The following AGBL4 variants were observed in gnomAD, a reference collection of about 807,000 sequenced individuals.
The protein encoded by AGBL4 is cytosolic carboxypeptidase 6.
Under a neutral mutation model 66.4 loss-of-function variants are expected in AGBL4, and 58 were observed. The ratio of observed to expected loss-of-function variants is 0.87; its 90% CI spans 0.71 to 1.09. The LOEUF is 1.09. Among genes scored for constraint, AGBL4 ranks in the 50% least tolerant of loss-of-function variants. The pLI is 0.00. For missense variants in AGBL4, 579 were observed against 631.0 expected, an observed-to-expected ratio of 0.92 and a Z score of 0.88; for synonymous variants, 234 against 222.9, an observed-to-expected ratio of 1.05 and a Z score of -0.44.
chr1:49,779,577 A>G (rs1644285908), intron 2 of AGBL4, among the ~76,000 whole-genome samples: 1 of 152,174 alleles, frequency 6.6e-6, no homozygotes, highest in Admixed American at 6.5e-5. Flanking sequence ...GAGGTCCCCC[A>G]ATAAGGAGGT....
At chr1:49,281,802 G>T (rs1472868554) in intron 3 of AGBL4, among the ~76,000 whole-genome samples, 2 of 152,138 alleles carry the variant, frequency 1.3e-5, no homozygotes, top group Admixed American at 6.5e-5. Context: ...GTGCTGGGAG[G>T]GTTGCTTGCC....
chr1:49,420,550 A>C (rs148427659), intron 3 of AGBL4, among the ~76,000 whole-genome samples: 1 of 152,122 alleles, frequency 6.6e-6, no homozygotes, highest in East Asian at 1.9e-4. Flanking sequence ...AATACAAAAA[A>C]ATTAGCCAGG....
chr1:49,150,566 A>G (rs1052243581), intron 4 of AGBL4, among the ~76,000 whole-genome samples: 8 of 152,164 alleles, frequency 5.3e-5, no homozygotes, highest in Admixed American at 3.9e-4. Flanking sequence ...AATAAAATGT[A>G]CTATTTTCAC....
At chr1:49,831,844 C>T (rs1432672323) in intron 2 of AGBL4, among the ~76,000 whole-genome samples, 1 of 152,046 alleles carries the variant, frequency 6.6e-6, no homozygotes, top group African/African-American at 2.4e-5. Flanking sequence ...TATCAAAGAC[C>T]TTTTCTGCAT....
chr1:48,653,451 C>A lies in AGBL4; in HGVS notation c.725G>T (p.Gly242Val). Reference protein sequence around the residue: ...GETPSSFVCQGIIDFLVSQHP... With the variant: ...GETPSSFVCQVIIDFLVSQHP... ...CTGGCTTACAAGGAAGTCAATGATC[C>A]CTAGGGAAAGAGAAGAGCCCGGTTT... The change falls in exon 8 of 14, where the codon GGG (glycine) becomes GTG (valine). Residue 242 changes from glycine to valine, a missense_variant and splice_region_variant. Transcript: ENST00000371839. 6.4e-7 allele frequency: 1 copy of A among 1,564,732 alleles called. No individual in the cohort carries two copies. Among genetic ancestry groups the A allele is most frequent in the Non-Finnish European group, 8.7e-7 (1 of 1,153,290 alleles).
At chr1:49,030,938 G>A (rs369777229) in intron 5 of AGBL4, among the ~76,000 whole-genome samples, 2 of 151,966 alleles carry the variant, frequency 1.3e-5, no homozygotes, top group East Asian at 3.9e-4. Context: ...GCTGAGTGAC[G>A]GAGTGTGAAT....
At chr1:48,549,361 T>C (rs1032660872) in intron 11 of AGBL4, among the ~76,000 whole-genome samples, 4 of 152,190 alleles carry the variant, frequency 2.6e-5, no homozygotes, top group Admixed American at 6.5e-5. Context: ...TTCTCTGAAG[T>C]GCAGTGTGGA....
At chr1:48,912,024 A>G (rs1267845458) in intron 5 of AGBL4, among the ~76,000 whole-genome samples, 2 of 152,168 alleles carry the variant, frequency 1.3e-5, no homozygotes, top group African/African-American at 4.8e-5. Context: ...CCTCTATTTA[A>G]TATTAATTCA....
chr1:48,641,264 A>G (rs937056969), intron 8 of AGBL4, among the ~76,000 whole-genome samples: 1 of 152,190 alleles, frequency 6.6e-6, no homozygotes, highest in African/African-American at 2.4e-5. Flanking sequence ...ATGCCAGATA[A>G]TCTGTCATCA....
chr1:49,376,170 C>A (rs867226120), intron 3 of AGBL4, among the ~76,000 whole-genome samples: 53 of 152,190 alleles, frequency 3.5e-4, no homozygotes, highest in African/African-American at 1.2e-3. Flanking sequence ...CTGTACCCAC[C>A]ATTTCATACC....
intron 2 of AGBL4, among the ~76,000 whole-genome samples, chr1:49,752,420 T>C (rs1380417445): frequency 6.6e-6 from 1 of 152,218 alleles, no homozygotes. Context: ...TCCAATTTGA[T>C]TGCACTGTGG....
At chr1:49,055,061 CA>C (rs1357819287) in intron 4 of AGBL4, among the ~76,000 whole-genome samples, 1 of 151,832 alleles carries the variant, frequency 6.6e-6, no homozygotes, top group Non-Finnish European at 1.5e-5. Flanking sequence ...ATGGTGAAAG[CA>C]AAATTGAAAT....
At chr1:49,108,480 G>A (rs1328326332) in intron 4 of AGBL4, among the ~76,000 whole-genome samples, 1 of 152,058 alleles carries the variant, frequency 6.6e-6, no homozygotes, top group African/African-American at 2.4e-5. Context: ...GAGCTTTTCT[G>A]GTGATTGCAA....
intron 6 of AGBL4, among the ~76,000 whole-genome samples, chr1:48,750,589 TC>T (rs1368573479): frequency 6.6e-6 from 1 of 152,156 alleles, no homozygotes; most frequent in African/African-American, 2.4e-5. Flanking sequence ...GACTGTGACT[TC>T]TTTAAGGTGG....
intron 5 of AGBL4, among the ~76,000 whole-genome samples, chr1:48,917,947 G>C (rs1393738376): frequency 6.6e-6 from 1 of 152,188 alleles, no homozygotes; most frequent in Non-Finnish European, 1.5e-5. Context: ...CCCAGCTTCT[G>C]CTTTGCACTC....
intron 2 of AGBL4, among the ~76,000 whole-genome samples, chr1:49,733,782 G>T (rs956421178): frequency 1.3e-5 from 2 of 152,096 alleles, no homozygotes; most frequent in Non-Finnish European, 2.9e-5. Flanking sequence ...TGGGGACAAA[G>T]ATTTCACCTT....
intron 3 of AGBL4, among the ~76,000 whole-genome samples, chr1:49,615,769 A>T (rs1645239310): frequency 6.6e-6 from 1 of 152,152 alleles, no homozygotes; most frequent in African/African-American, 2.4e-5. Flanking sequence ...AATTATTTAG[A>T]TCCAAGTCAT....
At chr1:49,710,295 T>A (rs183591920) in intron 2 of AGBL4, among the ~76,000 whole-genome samples, 2 of 152,194 alleles carry the variant, frequency 1.3e-5, no homozygotes, top group Non-Finnish European at 2.9e-5. Context: ...TGAAGGGACA[T>A]GTATGAAGCT....
chr1:48,950,522 T>C (rs1557493266), intron 5 of AGBL4, among the ~76,000 whole-genome samples: 1 of 152,252 alleles, frequency 6.6e-6, no homozygotes, highest in Non-Finnish European at 1.5e-5. Context: ...GGAATATATT[T>C]GATCCCTAGC....
Sources: allele counts gnomAD v4.1 joint callset (sites outside exome capture counted in the v4.1 genomes callset), GRCh38; gene constraint gnomAD v4.1.1; transcripts MANE v1.5; gene names NCBI Gene and HGNC (gene_info 2026-07-23, HGNC 2026-07-21).